The following FKRP variants were observed in gnomAD, a reference collection of about 807,000 sequenced individuals.
The protein encoded by FKRP is ribitol 5-phosphate transferase FKRP.
In FKRP, 25 loss-of-function variants were observed where a neutral mutation model predicts 30.6. The ratio of observed to expected loss-of-function variants is 0.82; its 90% confidence interval spans 0.60 to 1.14. The LOEUF (loss-of-function observed/expected upper bound fraction) is 1.14, where lower values mean the gene tolerates loss of function less well. Ranked by LOEUF, FKRP falls within the 50% of genes most tolerant of loss-of-function variation. The pLI, the probability that FKRP is intolerant of heterozygous loss-of-function variation, is 0.00. For missense variants in FKRP, 771 were observed against 727.8 expected (o/e 1.06, Z -0.68); for synonymous variants, 358 against 342.5 (o/e 1.05, Z -0.50).
chr19:46,753,574 A>G (rs1156941820), intron 3 of FKRP, among the ~76,000 whole-genome samples: 4 of 151,830 alleles, frequency 2.6e-5, no homozygotes, highest in African/African-American at 9.7e-5. Context: ...GGGGGCAGAC[A>G]AGGGGAATGT....
At position 46,746,094 on chromosome 19, in the gene FKRP, A is replaced by AGGCCGGGCCG. The variant is rs568014119; in HGVS notation, c.-253+17_-253+26dup. The AGGCCGGGCCG allele has an allele frequency of 1.0e-4, 124 of 1,244,466 alleles. No homozygotes were observed. Among genetic ancestry groups the AGGCCGGGCCG allele is most frequent in the Middle Eastern group, 2.7e-4 (1 of 3,680 alleles). The allele number at this position is 1,244,466 out of a possible 1,614,324, so 77.1% of individuals were successfully genotyped here. ...ATGGCGGCGGCGGCGGCAGCGGGTG[A>AGGCCGGGCCG]GGCCGGGCCGGGCCGGGCCGGGTTG... is the stretch of plus-strand genomic sequence containing the variant. On this transcript the variant is annotated splice_donor_region_variant and intron_variant, in intron 1 of 3. Transcript: ENST00000318584.
intron 3 of FKRP, among the ~76,000 whole-genome samples, chr19:46,749,863 G>A (rs1480736159): frequency 6.6e-6 from 1 of 152,070 alleles, no homozygotes; most frequent in Non-Finnish European, 1.5e-5. Context: ...GACTACAGGT[G>A]CACACCACCA....
At position 46,756,023 on chromosome 19, in the gene FKRP, C is replaced by T. The variant is rs763156437; in HGVS notation, c.573C>T (p.Cys191=). 14 of 1,576,328 alleles carry T rather than the reference C, an allele frequency of 8.9e-6. No individual in the cohort carries two copies. The Middle Eastern group carries it at 1.3e-3, about 150-fold the overall frequency. The change falls in exon 4 of 4, where the codon TGC becomes TGT. Residue 191 remains cysteine (C), a synonymous_variant. Coordinates refer to ENST00000318584, the MANE Select transcript of FKRP (RefSeq NM_024301.5). The surrounding 1 kb of genome is among the most constrained non-coding windows in gnomAD (Gnocchi z 6.6). ...GCGCAGCCCCCGCCGCGCCCCGCTG[C>T]GACGCCCTGGACGGAGATGCTGTGG... ...RYGAAPAAPR[C]DALDGDAVVL... is the part of the protein sequence containing the mutation.
chr19:46,752,064 A>G (rs961627621), intron 3 of FKRP, among the ~76,000 whole-genome samples: 1 of 152,154 alleles, frequency 6.6e-6, no homozygotes, highest in Non-Finnish European at 1.5e-5. Flanking sequence ...TTGGTGGCCA[A>G]TGTTCCTAGA....
At chr19:46,746,032 C>T, upstream of FKRP, 3 of 1,193,410 alleles carry the variant, frequency 2.5e-6, no homozygotes, top group Non-Finnish European at 3.2e-6. Context: ...TCCCCTCCCG[C>T]CCCCCCGCCG....
intron 3 of FKRP, among the ~76,000 whole-genome samples, chr19:46,751,019 A>G (rs1427188015): frequency 1.3e-5 from 2 of 151,984 alleles, no homozygotes; most frequent in African/African-American, 2.4e-5. Context: ...TAGGGGAGCA[A>G]AATAAAGCAG....
At chr19:46,749,958 T>TC (rs1262137537) in intron 3 of FKRP, among the ~76,000 whole-genome samples, 3 of 151,948 alleles carry the variant, frequency 2.0e-5, no homozygotes, top group Non-Finnish European at 4.4e-5. Flanking sequence ...TCAAGCAATC[T>TC]CCCCCAGCCT....
At chr19:46,752,376 G>A (rs1189247560) in intron 3 of FKRP, among the ~76,000 whole-genome samples, 1 of 152,142 alleles carries the variant, frequency 6.6e-6, no homozygotes, top group African/African-American at 2.4e-5. Flanking sequence ...AGGTTCTGTG[G>A]TTGCAAAGGT....
intron 3 of FKRP, among the ~76,000 whole-genome samples, chr19:46,749,576 T>A (rs2054744977): frequency 6.6e-6 from 1 of 151,328 alleles, no homozygotes; most frequent in Non-Finnish European, 1.5e-5. Flanking sequence ...AATACAAAAA[T>A]TAGCCGGGCA....
rs1204604158 is a variant in FKRP at position 46,757,286 on chromosome 19, T to A, written c.*348T>A. ...CCGAAAAAAGTGTTCTGCCCAAGAT[T>A]CCGAGAGCCCTGCGCTCTAGGGCAG... On this transcript the variant is annotated 3_prime_UTR_variant, in exon 4 of 4. Transcript: ENST00000318584. The A allele has an allele frequency of 2.5e-6, 1 of 402,472 alleles. No homozygotes were observed. Among genetic ancestry groups the A allele is most frequent in the Non-Finnish European group, 4.9e-6 (1 of 204,708 alleles). The allele number at this position is 402,472 out of a possible 1,614,324, so 24.9% of individuals were successfully genotyped here. A position where few individuals can be genotyped will look rare whatever the true frequency, so the allele number is the denominator to read the frequency against.
intron 3 of FKRP, among the ~76,000 whole-genome samples, chr19:46,751,789 A>T: frequency 6.7e-6 from 1 of 148,364 alleles, no homozygotes. Context: ...CTGGTCTTGA[A>T]CTCCTGACCT....
intron 3 of FKRP, among the ~76,000 whole-genome samples, chr19:46,752,169 A>AAGGGCCTGAGC: frequency 6.6e-6 from 1 of 152,274 alleles, no homozygotes; most frequent in African/African-American, 2.4e-5. Context: ...CCAGCCACAG[A>AAGGGCCTGAGC]AGGGCCTGAG....
Position 46,755,564 on chromosome 19 carries a change from G to C in FKRP, c.114G>C (p.Gly38=). The change falls in exon 4 of 4, where the codon GGG becomes GGC. Residue 38 remains glycine, a synonymous_variant. Coordinates refer to ENST00000318584, the MANE Select transcript of FKRP (RefSeq NM_024301.5). ...QHQPRNSRAR[G]PRRASAAGPR... ...AGCCTAGGAATTCCCGGGCCCGGGG[G>C]CCCCGTCGTGCCTCTGCTGCCGGCC... 1.2e-6 allele frequency: 2 copies of C among 1,605,978 alleles called. No homozygotes were observed. Among genetic ancestry groups the C allele is most frequent in the Non-Finnish European group, 1.7e-6 (2 of 1,176,780 alleles).
In FKRP at chr19:46,755,686, T is replaced by C. The variant is rs2054894918; in HGVS notation, c.236T>C (p.Val79Ala). 1.3e-6 allele frequency: 2 copies of C among 1,589,992 alleles called. No homozygotes were observed. The highest frequency in any genetic ancestry group is 2.7e-5 in the African/African-American group (2 of 74,508). Reference protein sequence around the residue: ...SFLQQDPAQPVVVAADTLPYP... With the variant: ...SFLQQDPAQPAVVAADTLPYP... ...CTGCAGCAAGACCCAGCCCAGCCCG[T>C]GGTGGTGGCAGCCGACACGCTCCCC... The change falls in exon 4 of 4, where the codon GTG becomes GCG. Residue 79 changes from valine to alanine, a missense_variant. By Grantham distance (64) the Val-to-Ala change is moderately conservative. Transcript: ENST00000318584.
Position 46,755,977 on chromosome 19 carries a change from G to T in FKRP, c.527G>T (p.Arg176Leu). ...TGCCTGGCCCTGAACGTCAGCCTGC[G>T]AGAGTGGACCGCCCGCTATGGCGCA... The part of the protein sequence containing the change: ...ARCLALNVSL[R>L]EWTARYGAAP... Residue 176 changes from arginine (R) to leucine (L), a missense_variant, in exon 4 of 4, where the codon CGA becomes CTA. By Grantham distance (102) the Arg-to-Leu change is moderately radical (BLOSUM62 -2). Coordinates refer to ENST00000318584, the MANE Select transcript of FKRP (RefSeq NM_024301.5). 6.5e-7 allele frequency: 1 copy of T among 1,541,796 alleles called. No homozygotes were observed. The highest frequency in any genetic ancestry group is 8.7e-7 in the Non-Finnish European group (1 of 1,150,780).
At chr19:46,753,101 G>A (rs1289346661) in intron 3 of FKRP, among the ~76,000 whole-genome samples, 1 of 151,130 alleles carries the variant, frequency 6.6e-6, no homozygotes, top group African/African-American at 2.4e-5. Context: ...TGGAGGCGGT[G>A]GTTGCAGTGA....
chr19:46,757,813 C>A lies in FKRP; in HGVS notation c.*875C>A. On this transcript the variant is annotated 3_prime_UTR_variant, in exon 4 of 4. Coordinates refer to ENST00000318584, the MANE Select transcript of FKRP (RefSeq NM_024301.5). ...CTGGGCCGGGCGCGGGGGCTCACGC[C>A]TGTAATCCCAGCACTTTGGGAGGCC... The A allele has an allele frequency of 6.0e-6, 1 of 167,326 alleles. No individual in the cohort carries two copies. Among genetic ancestry groups the A allele is most frequent in the Non-Finnish European group, 1.5e-5 (1 of 68,492 alleles). The allele number at this position is 167,326 out of a possible 1,614,324, so 10.4% of individuals were successfully genotyped here.
At position 46,756,831 on chromosome 19, in the gene FKRP, G is replaced by C; in HGVS notation, c.1381G>C (p.Ala461Pro). The change falls in exon 4 of 4, where the codon GCG becomes CCG. Residue 461 changes from alanine to proline, a missense_variant. By Grantham distance (27) the Ala-to-Pro change is conservative. Coordinates refer to ENST00000318584, the MANE Select transcript of FKRP (RefSeq NM_024301.5). This position sits in a 1 kb window ranked among gnomAD's most constrained non-coding sequence, Gnocchi z 6.6. ...GCCCTTTGCCGGCTTCGTGGCGCAG[G>C]CGCCTAACAACTACCGCCGCTTCCT... is the stretch of plus-strand genomic sequence containing the variant. ...PLPFAGFVAQ[A>P]PNNYRRFLEL... 1 of 1,600,010 alleles carries C rather than the reference G, an allele frequency of 6.2e-7. No homozygotes were observed. Among genetic ancestry groups the C allele is most frequent in the Non-Finnish European group, 8.5e-7 (1 of 1,173,778 alleles).
rs189133927 is a variant in FKRP at position 46,748,030 on chromosome 19, C to G, written c.-249C>G. ...TTTCTGGTTCTCCTCCTCTCAGGAG[C>G]GCAGCTCAGCTGGGCTGGAACTGCC... On this transcript the variant is annotated 5_prime_UTR_variant, in exon 2 of 4. Coordinates refer to ENST00000318584, the MANE Select transcript of FKRP (RefSeq NM_024301.5). 6.6e-6 allele frequency: 1 copy of G among 152,228 alleles called. No homozygotes were observed. The highest frequency in any genetic ancestry group is 1.5e-5 in the Non-Finnish European group (1 of 68,062). 9.4% of individuals were successfully genotyped at this position (152,228 alleles called of 1,614,324 possible).
Sources: gnomAD v4.1 joint callset for allele counts (sites outside exome capture counted in the v4.1 genomes callset) on GRCh38, gnomAD v4.1.1 for gene constraint, Gnocchi (gnomAD v3.1) non-coding constraint, MANE v1.5 for transcripts, NCBI Gene and HGNC (gene_info 2026-07-23, HGNC 2026-07-21) for gene names.